Variants in TENM2 observed in about 807,000 individuals in gnomAD.
TENM2 encodes the protein teneurin-2.
A neutral mutation model predicts 245.2 loss-of-function variants in TENM2; 52 were observed. That is an observed-to-expected ratio of 0.21 (90% CI 0.17 to 0.27). The LOEUF is 0.27. Ranked by LOEUF, TENM2 falls within the 10% of genes least tolerant of loss-of-function variation. TENM2 has a pLI of 1.00. For missense variants in TENM2, 3,046 were observed against 3,666.8 expected (o/e 0.83, Z 4.37); for synonymous variants, 1,363 against 1,438.9 (o/e 0.95, Z 1.19).
intron 2 of TENM2, among the ~76,000 whole-genome samples, chr5:167,421,299 G>A (rs1043729666): frequency 2.0e-5 from 3 of 152,236 alleles, no homozygotes; most frequent in Admixed American, 2.0e-4. Context: ...TGGTTGTTTT[G>A]CAAAGCATTG....
At chr5:167,875,530 G>A (rs75223898) in intron 2 of TENM2, among the ~76,000 whole-genome samples, 20 of 152,252 alleles carry the variant, frequency 1.3e-4, no homozygotes, top group Admixed American at 3.3e-4. Context: ...TGTGCTAAGC[G>A]GGCGAATGAT....
intron 2 of TENM2, among the ~76,000 whole-genome samples, chr5:167,469,185 A>G (rs1766853496): frequency 6.6e-6 from 1 of 152,158 alleles, no homozygotes; most frequent in Non-Finnish European, 1.5e-5. Flanking sequence ...TGATAAGAAG[A>G]TCATCAAACT....
At chr5:167,052,729 A>G in the TENM2 span, among the ~76,000 whole-genome samples, 2 of 151,772 alleles carry the variant, frequency 1.3e-5, no homozygotes, top group Admixed American at 6.6e-5. Context: ...TAGACGATAT[A>G]TGTAAAGTTT....
chr5:168,211,650 A>T (rs1762810751), intron 19 of TENM2, 84 bp from the exon 22 acceptor site: 1 of 934,468 alleles, frequency 1.1e-6, no homozygotes, highest in Non-Finnish European at 1.6e-6. Flanking sequence ...TTTATACAAG[A>T]AACAAAAATG....
intron 2 of TENM2, among the ~76,000 whole-genome samples, chr5:167,787,932 C>T (rs1477355441): frequency 2.0e-5 from 3 of 152,206 alleles, no homozygotes; most frequent in Non-Finnish European, 4.4e-5. Context: ...CAAATGAATG[C>T]TGTTTCTAAT....
the TENM2 span, among the ~76,000 whole-genome samples, chr5:167,155,505 T>A: frequency 6.6e-6 from 1 of 152,178 alleles, no homozygotes; most frequent in South Asian, 2.1e-4. Context: ...GCAGGGATCC[T>A]GTAGAGCATC....
intron 27 of TENM2, among the ~76,000 whole-genome samples, chr5:168,252,478 A>G (rs1486976299): frequency 6.6e-6 from 1 of 151,776 alleles, no homozygotes; most frequent in Non-Finnish European, 1.5e-5. Context: ...ACTGGGATCT[A>G]TACCCTGCCC....
At chr5:167,319,354 T>A (rs946559329) in intron 1 of TENM2, among the ~76,000 whole-genome samples, 14 of 152,184 alleles carry the variant, frequency 9.2e-5, no homozygotes, top group African/African-American at 3.4e-4. Flanking sequence ...TTCTTTTGGT[T>A]AGTTGGGTGT....
intron 1 of TENM2, among the ~76,000 whole-genome samples, chr5:167,356,794 C>G (rs1383455288): frequency 6.6e-6 from 1 of 152,176 alleles, no homozygotes; most frequent in East Asian, 1.9e-4. Flanking sequence ...TGCATTATAC[C>G]TTTCATGGGC....
intron 12 of TENM2, among the ~76,000 whole-genome samples, chr5:168,134,176 A>G (rs1367917226): frequency 6.6e-6 from 1 of 152,048 alleles, no homozygotes; most frequent in Non-Finnish European, 1.5e-5. Flanking sequence ...AAACAAAACA[A>G]AAAAATAGGC....
At chr5:167,459,482 A>C (rs1464003161) in intron 2 of TENM2, among the ~76,000 whole-genome samples, 1 of 151,976 alleles carries the variant, frequency 6.6e-6, no homozygotes, top group Non-Finnish European at 1.5e-5. Flanking sequence ...TCTCTCTCAT[A>C]CTCTATATTC....
chr5:168,019,943 G>A lies in TENM2; in HGVS notation c.1186+26761G>A, dbSNP rs190544966. On this transcript the variant is annotated intron_variant, in intron 5 of 28. Coordinates refer to ENST00000518659, the Ensembl canonical transcript of TENM2. ...TATGTGATGACTTAATTGCCTAAGAGCAAGGAACAGTGGAACTACAGATAA... is the reference window on the plus strand; with the variant it reads ...TATGTGATGACTTAATTGCCTAAGAACAAGGAACAGTGGAACTACAGATAA... 2.4e-4 allele frequency among the ~76,000 whole-genome samples: 37 copies of A among 152,324 alleles called. 1 individual carries two copies. The highest frequency in any genetic ancestry group is 2.4e-3 in the Admixed American group (36 of 15,304).
chr5:167,681,860 A>G (rs1022500716), intron 2 of TENM2, among the ~76,000 whole-genome samples: 2 of 151,960 alleles, frequency 1.3e-5, no homozygotes, highest in Non-Finnish European at 2.9e-5. Flanking sequence ...TCTAGATGTT[A>G]CTTCCAAATC....
the TENM2 span, among the ~76,000 whole-genome samples, chr5:167,107,324 AAAAGAAAG>A: frequency 3.3e-5 from 5 of 151,938 alleles, no homozygotes; most frequent in Non-Finnish European, 7.4e-5. Context: ...GAAAGAAAGA[AAAAGAAAG>A]AAAGAAAGAA....
chr5:168,228,184 C>A (rs1242904818), intron 25 of TENM2, 54 bp downstream of exon 27: 7 of 1,396,346 alleles, frequency 5.0e-6, no homozygotes, highest in Non-Finnish European at 7.0e-6. Flanking sequence ...TATACACTTT[C>A]CTCACAGAGC....
At chr5:167,159,872 G>A in the TENM2 span, among the ~76,000 whole-genome samples, 3 of 152,194 alleles carry the variant, frequency 2.0e-5, no homozygotes, top group African/African-American at 7.2e-5. Context: ...GACTGGTAGA[G>A]TAGAGAGGGC....
At chr5:168,190,599 T>G in intron 14 of TENM2, 52 bp downstream of exon 16, 1 of 1,535,212 alleles carries the variant, frequency 6.5e-7, no homozygotes, top group Non-Finnish European at 8.9e-7. Context: ...TTTCTTCCTG[T>G]TGGAGCCAGA....
the TENM2 span, among the ~76,000 whole-genome samples, chr5:167,241,150 T>C: frequency 6.6e-6 from 1 of 152,180 alleles, no homozygotes. Context: ...CCTGATATAA[T>C]ATAGTGAGCA....
chr5:168,128,534 C>A (rs1796017772), intron 12 of TENM2, among the ~76,000 whole-genome samples: 1 of 152,206 alleles, frequency 6.6e-6, no homozygotes, highest in Non-Finnish European at 1.5e-5. Context: ...CCCTTTGCTC[C>A]CCCTTCCCAC....
Sources: allele counts gnomAD v4.1 joint callset (sites outside exome capture counted in the v4.1 genomes callset), GRCh38; gene constraint gnomAD v4.1.1; transcripts MANE v1.5; gene names NCBI Gene and HGNC (gene_info 2026-07-23, HGNC 2026-07-21).